SVIP: variants seen among roughly 807,000 people sequenced by gnomAD.
SVIP encodes small VCP/p97-interacting protein.
In SVIP, 14 loss-of-function variants were observed where a neutral mutation model predicts 12.9. The observed-to-expected ratio is 1.08, with a 90% CI of 0.72 to 1.70. The LOEUF (loss-of-function observed/expected upper bound fraction) is 1.70. SVIP is among the 40% of genes most tolerant of loss of function. SVIP has a pLI of 0.00. For missense variants in SVIP, 93 were observed against 90.8 expected, an observed-to-expected ratio of 1.02 and a Z score of -0.10; for synonymous variants, 35 against 33.3, an observed-to-expected ratio of 1.05 and a Z score of -0.17.
In SVIP at chr11:22,828,011, C is replaced by G. The variant is rs1045707454; in HGVS notation, c.55-137G>C. The G allele has an allele frequency of 2.1e-5, 12 of 565,504 alleles. No individual in the cohort carries two copies. The African/African-American group carries it at 2.1e-4, about 10-fold the overall frequency. 35.0% of individuals were successfully genotyped at this position (565,504 alleles called of 1,614,324 possible). On this transcript the variant is annotated intron_variant, in intron 1 of 3. Transcript: ENST00000354193. ...CCTAAATGTCCCACAAAGAATGCCA[C>G]TACTCAACTTTTTGAATTTCATTCT...
At chr11:22,826,416 A>T (rs1349854575) in intron 3 of SVIP, among the ~76,000 whole-genome samples, 1 of 152,186 alleles carries the variant, frequency 6.6e-6, no homozygotes, top group Non-Finnish European at 1.5e-5. Context: ...AGGTACTCAT[A>T]AATCATTGAC....
At chr11:22,824,445 C>T (rs181809477) in intron 3 of SVIP, among the ~76,000 whole-genome samples, 3,313 of 105,808 alleles carry the variant, frequency 0.031, 81 homozygotes, top group African/African-American at 0.075. Flanking sequence ...TACACACACA[C>T]ATATATATAT....
At chr11:22,825,262 G>A (rs1017890480) in intron 3 of SVIP, among the ~76,000 whole-genome samples, 4 of 152,064 alleles carry the variant, frequency 2.6e-5, no homozygotes, top group Non-Finnish European at 5.9e-5. Flanking sequence ...TAGGCCAAGC[G>A]TTTTGAGGGT....
intron 1 of SVIP, 54 bp from the exon 2 acceptor site, chr11:22,827,928 A>G (rs894575210): frequency 1.1e-5 from 14 of 1,300,992 alleles, no homozygotes; most frequent in African/African-American, 1.1e-4. Flanking sequence ...TTATTAATAA[A>G]TTATTCACAT....
chr11:22,822,925 C>A lies in SVIP; in HGVS notation c.*194G>T. On this transcript the variant is annotated 3_prime_UTR_variant, in exon 4 of 4. Coordinates refer to ENST00000354193, the MANE Select transcript of SVIP (RefSeq NM_148893.3). The stretch of plus-strand genomic sequence containing the variant: ...TGCAGAAGAGCAAATGTAGGAAAAT[C>A]AGTATTTAATGAAAAGTCTAGCCAT... 3.9e-6 allele frequency: 2 copies of A among 508,574 alleles called. No individual in the cohort carries two copies. Among genetic ancestry groups the A allele is most frequent in the Non-Finnish European group, 6.9e-6 (2 of 290,880 alleles). The allele number at this position is 508,574 out of a possible 1,614,324, so 31.5% of individuals were successfully genotyped here.
chr11:22,828,119 T>A (rs1170146960), intron 1 of SVIP, among the ~76,000 whole-genome samples: 1 of 152,180 alleles, frequency 6.6e-6, no homozygotes, highest in Non-Finnish European at 1.5e-5. Flanking sequence ...CTCTCTTTTT[T>A]AATAAAAAGG....
At position 22,822,875 on chromosome 11, in the gene SVIP, G is replaced by A. The variant is rs2134745304; in HGVS notation, c.*244C>T. On this transcript the variant is annotated 3_prime_UTR_variant, in exon 4 of 4. Coordinates refer to ENST00000354193, the MANE Select transcript of SVIP (RefSeq NM_148893.3). ...TTTAGTTCCATTTTTTAACTACTAA[G>A]AAAAATAGCAAATCACCCACTAACT... is the stretch of plus-strand genomic sequence containing the variant. 1 of 447,816 alleles carries A rather than the reference G, an allele frequency of 2.2e-6. No homozygotes were observed. Among genetic ancestry groups the A allele is most frequent in the East Asian group, 3.7e-5 (1 of 27,174 alleles). The allele number at this position is 447,816 out of a possible 1,614,324, so 27.7% of individuals were successfully genotyped here.
intron 3 of SVIP, among the ~76,000 whole-genome samples, chr11:22,824,373 T>C (rs1857595251): frequency 6.6e-6 from 1 of 150,930 alleles, no homozygotes; most frequent in Admixed American, 6.6e-5. Flanking sequence ...TATTTGGCAA[T>C]CTCTTGATAG....
At chr11:22,825,209 G>C (rs1038277074) in intron 3 of SVIP, among the ~76,000 whole-genome samples, 1 of 151,844 alleles carries the variant, frequency 6.6e-6, no homozygotes, top group African/African-American at 2.4e-5. Context: ...AATACTTCAG[G>C]CCAGCCCATG....
rs1285946375 is a variant in SVIP, at chr11:22,822,847, CTATT to C, written c.*268_*271del. ...TTTACATGCAGTGTATGTATATTCA[CTATT>C]TAGTTCCATTTTTTAACTACTAAGA... is the stretch of plus-strand genomic sequence containing the variant. On this transcript the variant is annotated 3_prime_UTR_variant, in exon 4 of 4. Coordinates refer to ENST00000354193, the MANE Select transcript of SVIP (RefSeq NM_148893.3). 2.5e-5 allele frequency: 10 copies of C among 403,708 alleles called. No individual in the cohort carries two copies. The highest frequency in any genetic ancestry group is 4.1e-5 in the African/African-American group (2 of 48,812). The allele number at this position is 403,708 out of a possible 1,614,324, so 25.0% of individuals were successfully genotyped here. A position where few individuals can be genotyped will look rare whatever the true frequency, so the allele number is the denominator to read the frequency against.
intron 1 of SVIP, chr11:22,829,470 C>T (rs116949044): frequency 0.03 from 12,141 of 405,238 alleles, 195 homozygotes; most frequent in Non-Finnish European, 0.039. Context: ...AGCCGCCTTT[C>T]GACAACTTTT....
At chr11:22,825,225 A>G (rs1161522392) in intron 3 of SVIP, among the ~76,000 whole-genome samples, 2 of 152,196 alleles carry the variant, frequency 1.3e-5, no homozygotes, top group East Asian at 3.9e-4. Flanking sequence ...CCATGAAACA[A>G]GCCAGACAGC....
chr11:22,821,626 C>G lies in SVIP; in HGVS notation c.*1493G>C, dbSNP rs1054727273. On this transcript the variant is annotated 3_prime_UTR_variant, in exon 4 of 4. Coordinates refer to ENST00000354193, the MANE Select transcript of SVIP (RefSeq NM_148893.3). ...TATCAATCATTCCTTTTACTTTCTG[C>G]CTTGAAAAAATCATTTTAATAAAAT... 1 of 152,046 alleles carries G rather than the reference C, an allele frequency of 6.6e-6. No homozygotes were observed. The highest frequency in any genetic ancestry group is 2.4e-5 in the African/African-American group (1 of 41,416). 9.4% of individuals were successfully genotyped at this position (152,046 alleles called of 1,614,324 possible).
At chr11:22,826,899 ACTT>A (rs1857728335) in intron 3 of SVIP, among the ~76,000 whole-genome samples, 1 of 152,144 alleles carries the variant, frequency 6.6e-6, no homozygotes, top group Non-Finnish European at 1.5e-5. Flanking sequence ...TGACTTTTAC[ACTT>A]CTTTATACTT....
At chr11:22,824,872 GC>G (rs1198804574) in intron 3 of SVIP, among the ~76,000 whole-genome samples, 1 of 152,078 alleles carries the variant, frequency 6.6e-6, no homozygotes, top group African/African-American at 2.4e-5. Context: ...CTTTTTGAAA[GC>G]TGCCTATGAA....
chr11:22,827,217 C>G lies in SVIP; in HGVS notation c.209G>C (p.Gly70Ala). The G allele has an allele frequency of 6.2e-7, 1 of 1,607,502 alleles. No individual in the cohort carries two copies. The highest frequency in any genetic ancestry group is 8.5e-7 in the Non-Finnish European group (1 of 1,177,486). ...QIATSGPPPE[G>A]GLRWTVS The stretch of plus-strand genomic sequence containing the variant: ...AATTTTAATACTTACCCTAAGTCCA[C>G]CTTCTGGTGGGGGCCCGGATGTAGC... The change falls in exon 3 of 4, where the codon GGT becomes GCT. Residue 70 changes from glycine to alanine, a missense_variant. Coordinates refer to ENST00000354193, the MANE Select transcript of SVIP (RefSeq NM_148893.3).
In SVIP at chr11:22,821,241, C is replaced by A. The variant is rs1470015487; in HGVS notation, c.*1878G>T. On this transcript the variant is annotated 3_prime_UTR_variant, in exon 4 of 4. Transcript: ENST00000354193. ...ATCCAGTCACTTCTTTTCCCTTGCC[C>A]TTTCCTAACACTGTTCCTAACATTT... 1 of 151,222 alleles carries A rather than the reference C, an allele frequency of 6.6e-6. No homozygotes were observed. Among genetic ancestry groups the A allele is most frequent in the East Asian group, 1.9e-4 (1 of 5,154 alleles). The allele number at this position is 151,222 out of a possible 1,614,324, so 9.4% of individuals were successfully genotyped here.
At chr11:22,829,350 T>C in intron 1 of SVIP, 1 of 243,656 alleles carries the variant, frequency 4.1e-6, no homozygotes, top group Non-Finnish European at 7.9e-6. Flanking sequence ...CGCGCCGAAT[T>C]CCATCTACCA....
At chr11:22,825,222 A>G (rs571645609) in intron 3 of SVIP, among the ~76,000 whole-genome samples, 2 of 152,146 alleles carry the variant, frequency 1.3e-5, no homozygotes, top group South Asian at 4.2e-4. Context: ...AGCCCATGAA[A>G]CAAGCCAGAC....
Sources: allele counts gnomAD v4.1 joint callset (sites outside exome capture counted in the v4.1 genomes callset), GRCh38; gene constraint gnomAD v4.1.1; transcripts MANE v1.5; gene names NCBI Gene and HGNC (gene_info 2026-07-23, HGNC 2026-07-21).